SUMF2: variants seen among roughly 807,000 people sequenced by gnomAD.
The protein encoded by SUMF2 is sulfatase modifying factor 2.
Under a neutral mutation model 44.8 loss-of-function variants are expected in SUMF2, and 45 were observed. The observed-to-expected ratio is 1.00, with a 90% confidence interval of 0.79 to 1.29. The LOEUF is 1.29. SUMF2 is among the 50% of genes most tolerant of loss of function. The pLI is 0.00. For synonymous variants in SUMF2, 148 were observed against 150.4 expected (o/e 0.98, Z 0.12); for missense variants, 418 against 389.9 (o/e 1.07, Z -0.61).
chr7:56,087,564 G>A, the SUMF2 span: 13 of 1,592,966 alleles, frequency 8.2e-6, no homozygotes, highest in East Asian at 2.2e-5. Context: ...TCACAGGGGG[G>A]CACCCTGCCG....
chr7:56,087,610 G>A, the SUMF2 span: 2 of 1,613,284 alleles, frequency 1.2e-6, no homozygotes, highest in Non-Finnish European at 8.5e-7. Flanking sequence ...ATGTTGGGGT[G>A]CCCTGAGACC....
chr7:56,068,333 C>T (rs1165693055), intron 1 of SUMF2, 149 bp from the exon 2 acceptor site: 10 of 736,902 alleles, frequency 1.4e-5, no homozygotes, highest in Middle Eastern at 4.1e-4. Context: ...CCGTGCCCAG[C>T]CCAAAAGGAA....
chr7:56,074,014 C>CAAAAAAA (rs56927689), intron 3 of SUMF2, 160 bp from the exon 4 acceptor site: 8 of 320,912 alleles, frequency 2.5e-5, no homozygotes, highest in East Asian at 7.4e-5. Flanking sequence ...GATCTTGTCT[C>CAAAAAAA]AAAAAAAAAA....
At chr7:56,074,304 C>A in intron 4 of SUMF2, 86 bp downstream of exon 4, 1 of 1,371,286 alleles carries the variant, frequency 7.3e-7, no homozygotes. Flanking sequence ...CCTCGTACAT[C>A]CAGGAACACT....
chr7:56,082,866 G>A (rs988607534), downstream of SUMF2, among the ~76,000 whole-genome samples: 4 of 152,092 alleles, frequency 2.6e-5, no homozygotes. Flanking sequence ...ACAGCACTTT[G>A]GGAGGCCGAG....
Position 56,079,777 on chromosome 7 carries a change from G to T in SUMF2, c.*165G>T. The T allele has an allele frequency of 6.4e-7, 1 of 1,556,332 alleles. No individual in the cohort carries two copies. The highest frequency in any genetic ancestry group is 8.7e-7 in the Non-Finnish European group (1 of 1,149,110). On this transcript the variant is annotated 3_prime_UTR_variant, in exon 9 of 9. Transcript: ENST00000434526. The stretch of plus-strand genomic sequence containing the variant: ...GCAGGCGCCTCTCACCAGGGCAGGA[G>T]AGGACTCAGCCTCCTGTGTTTTGGA...
Position 56,068,646 on chromosome 7 carries a change from A to T in SUMF2, c.224+8A>T, listed in dbSNP as rs1794967534. 1 of 1,611,870 alleles carries T rather than the reference A, an allele frequency of 6.2e-7. No homozygotes were observed. Among genetic ancestry groups the T allele is most frequent in the Admixed American group, 1.7e-5 (1 of 59,740 alleles). On this transcript the variant is annotated splice_region_variant and intron_variant, in intron 2 of 8. Coordinates refer to ENST00000434526, the MANE Select transcript of SUMF2 (RefSeq NM_015411.4). ...CACCAACAAAGATTTCAGGTACATC[A>T]GGTATTCTTCCAGGAGGAATGAAGA...
intron 2 of SUMF2, 53 bp from the exon 3 acceptor site, chr7:56,072,944 T>C (rs1198353390): frequency 3.7e-6 from 5 of 1,339,828 alleles, no homozygotes; most frequent in African/African-American, 1.4e-5. Context: ...CAGGAGAAGA[T>C]GGGGTGGGCA....
Position 56,080,194 on chromosome 7 carries a change from C to G in SUMF2, c.*582C>G. On this transcript the variant is annotated 3_prime_UTR_variant, in exon 9 of 9. Transcript: ENST00000434526. ...GAACCAGATGATGTACTAGGTGAAG[C>G]ATTGCATTGTGGGAATCACAAAGCA... is the stretch of plus-strand genomic sequence containing the variant. 4.2e-6 allele frequency: 1 copy of G among 240,400 alleles called. No individual in the cohort carries two copies. The highest frequency in any genetic ancestry group is 1.1e-4 in the South Asian group (1 of 9,240). The allele number at this position is 240,400 out of a possible 1,614,324, so 14.9% of individuals were successfully genotyped here. A position where few individuals can be genotyped will look rare whatever the true frequency, so the allele number is the denominator to read the frequency against.
At position 56,064,428 on chromosome 7, in the gene SUMF2, G is replaced by T. The variant is rs772689451; in HGVS notation, c.67+50G>T. 1.4e-5 allele frequency: 22 copies of T among 1,562,822 alleles called. No individual in the cohort carries two copies. The South Asian group carries it at 2.5e-4, about 17-fold the overall frequency. On this transcript the variant is annotated intron_variant, in intron 1 of 8. Coordinates refer to ENST00000434526, the MANE Select transcript of SUMF2 (RefSeq NM_015411.4). ...GGGGGCGCTGGGAAGGGGATGGGGC[G>T]CTCCGCCCTGACGGGAGAGAGCCTT...
intron 3 of SUMF2, 185 bp downstream of exon 3, chr7:56,073,296 C>T: frequency 1.5e-6 from 1 of 660,262 alleles, no homozygotes; most frequent in Non-Finnish European, 2.8e-6. Context: ...TAACCCTGAA[C>T]CCAAGTTAGC....
At position 56,073,090 on chromosome 7, in the gene SUMF2, CAA is replaced by C; in HGVS notation, c.320_321del (p.Lys107SerfsTer44). ...ACTTTGTCTCTGATGAGCTGAGAAACAAAGCCACCCAGCCAATGAAGGTGAGA... is the reference window on the plus strand; with the variant it reads ...ACTTTGTCTCTGATGAGCTGAGAAACAGCCACCCAGCCAATGAAGGTGAGA... Reference protein sequence around the residue: ...EDFVSDELRNKATQPMKSVLW... With the variant: ...EDFVSDELRNXATQPMKSVLW... On this transcript the variant is annotated frameshift_variant, in exon 3 of 9. Coordinates refer to ENST00000434526, the MANE Select transcript of SUMF2 (RefSeq NM_015411.4). LOFTEE classifies it high-confidence loss of function. The C allele has an allele frequency of 6.2e-7, 1 of 1,614,080 alleles. No individual in the cohort carries two copies. The highest frequency in any genetic ancestry group is 1.7e-5 in the Admixed American group (1 of 60,002).
At chr7:56,084,960 C>A (rs528627081), downstream of SUMF2, among the ~76,000 whole-genome samples, 2 of 152,034 alleles carry the variant, frequency 1.3e-5, no homozygotes, top group East Asian at 3.9e-4. Context: ...ACAGCTGCAG[C>A]TGGTGAGTCT....
At chr7:56,064,882 CAAAAAAAAAAA>C (rs71015175) in intron 1 of SUMF2, among the ~76,000 whole-genome samples, 2 of 14,310 alleles carry the variant, frequency 1.4e-4, no homozygotes, top group African/African-American at 6.6e-4. Flanking sequence ...TACTTTATCT[CAAAAAAAAAAA>C]AAAAAAAAAA....
downstream of SUMF2, among the ~76,000 whole-genome samples, chr7:56,085,596 C>A (rs1261871923): frequency 1.3e-5 from 2 of 152,184 alleles, no homozygotes; most frequent in African/African-American, 2.4e-5. Context: ...TGCCTCTCTC[C>A]TCAATACTGC....
At chr7:56,073,420 A>C (rs1795311098) in intron 3 of SUMF2, 1 of 384,886 alleles carries the variant, frequency 2.6e-6, no homozygotes, top group Non-Finnish European at 5.0e-6. Context: ...TGAGAGGCTG[A>C]GGTGAGTGGA....
At position 56,078,435 on chromosome 7, in the gene SUMF2, C is replaced by A; in HGVS notation, c.748C>A (p.Arg250Ser). 1.2e-6 allele frequency: 2 copies of A among 1,610,332 alleles called. No homozygotes were observed. The highest frequency in any genetic ancestry group is 1.7e-6 in the Non-Finnish European group (2 of 1,178,004). The change falls in exon 8 of 9, where the codon CGC becomes AGC. Residue 250 changes from arginine to serine, a missense_variant. Transcript: ENST00000434526. Reference sequence around the variant, plus strand: ...GTACCAGGCTGCTGAGCAGGACATGCGCGTCCTCCGGGGGGCATCCTGGAT... The same window carrying A: ...GTACCAGGCTGCTGAGCAGGACATGAGCGTCCTCCGGGGGGCATCCTGGAT... ...SPYQAAEQDMRVLRGASWIDT... is the reference protein window; with the variant it reads ...SPYQAAEQDMSVLRGASWIDT...
chr7:56,079,526 AGGATG>A lies in SUMF2; in HGVS notation c.823_827del (p.Met275GlnfsTer38). ...GTCCTCTCTCCCCTTCTCTGCTGGC[AGGATG>A]GGCAACACTCCAGATTCAGCCTCAG... On this transcript the variant is annotated splice_acceptor_variant and coding_sequence_variant, in exon 9 of 9. Transcript: ENST00000434526. LOFTEE classifies it high-confidence loss of function. 6.2e-7 allele frequency: 1 copy of A among 1,610,726 alleles called. No homozygotes were observed. Among genetic ancestry groups the A allele is most frequent in the Admixed American group, 1.7e-5 (1 of 59,942 alleles).
At chr7:56,081,728 G>A, downstream of SUMF2, 1 of 1,613,802 alleles carries the variant, frequency 6.2e-7, no homozygotes, top group Non-Finnish European at 8.5e-7. This position sits in a 1 kb window ranked among gnomAD's most constrained non-coding sequence, Gnocchi z 4.6. Flanking sequence ...TAGCGGTTCT[G>A]GGGTTGCACC....
Sources: gnomAD v4.1 joint callset for allele counts (sites outside exome capture counted in the v4.1 genomes callset) on GRCh38, gnomAD v4.1.1 for gene constraint, Gnocchi (gnomAD v3.1) non-coding constraint, MANE v1.5 for transcripts, NCBI Gene and HGNC (gene_info 2026-07-23, HGNC 2026-07-21) for gene names.